The following ALOX5 variants were observed in gnomAD, a reference collection of about 807,000 sequenced individuals.
ALOX5 encodes polyunsaturated fatty acid 5-lipoxygenase.
A neutral mutation model predicts 87.9 loss-of-function variants in ALOX5; 64 were observed. The ratio of observed to expected loss-of-function variants is 0.73; its 90% CI spans 0.60 to 0.90. The LOEUF is 0.90. Ranked by LOEUF, ALOX5 falls within the 40% of genes least tolerant of loss-of-function variation. ALOX5 has a pLI of 0.00. For synonymous variants in ALOX5, 388 were observed against 355.1 expected (o/e 1.09, Z -1.04); for missense variants, 822 against 907.5 (o/e 0.91, Z 1.21).
intron 13 of ALOX5, chr10:45,444,746 C>T (rs1029482491): frequency 6.1e-6 from 1 of 162,772 alleles, no homozygotes; most frequent in Non-Finnish European, 1.3e-5. Context: ...CCAACCTGCT[C>T]CAGACTGCTG....
intron 13 of ALOX5, 31 bp from the exon 14 acceptor site, chr10:45,445,477 C>T (rs756745122): frequency 6.2e-7 from 1 of 1,605,210 alleles, no homozygotes; most frequent in Non-Finnish European, 8.5e-7. Flanking sequence ...AGTGGATTGA[C>T]CTATGTGTGT....
chr10:45,431,231 A>G (rs1841892736), intron 7 of ALOX5, among the ~76,000 whole-genome samples: 2 of 152,150 alleles, frequency 1.3e-5, no homozygotes, highest in Admixed American at 1.3e-4. Flanking sequence ...AAAAGGTGCA[A>G]CTCTAATGCC....
At chr10:45,428,285 C>T (rs1186717587) in intron 6 of ALOX5, 13 of 363,950 alleles carry the variant, frequency 3.6e-5, no homozygotes, top group East Asian at 3.0e-4. Context: ...GCATTTAACT[C>T]GTCACATCTA....
At chr10:45,387,959 A>C (rs547399257) in intron 2 of ALOX5, among the ~76,000 whole-genome samples, 25 of 152,302 alleles carry the variant, frequency 1.6e-4, no homozygotes, top group African/African-American at 5.3e-4. Context: ...TGGGGGCAGA[A>C]CAGTGGGGGC....
intron 1 of ALOX5, among the ~76,000 whole-genome samples, chr10:45,378,256 GC>G (rs1564407675): frequency 6.6e-6 from 1 of 152,112 alleles, no homozygotes. Context: ...ACAAACCAGG[GC>G]TCAAAGCTGG....
chr10:45,437,477 C>CT (rs35918637), intron 7 of ALOX5, among the ~76,000 whole-genome samples: 2 of 151,976 alleles, frequency 1.3e-5, no homozygotes, highest in African/African-American at 2.4e-5. Flanking sequence ...TAAAGACTAA[C>CT]TTTTTTTAAG....
At position 45,425,927 on chromosome 10, in the gene ALOX5, A is replaced by G. The variant is rs1017298901; in HGVS notation, c.834+795A>G. On this transcript the variant is annotated intron_variant, in intron 6 of 13. Coordinates refer to ENST00000374391, the MANE Select transcript of ALOX5 (RefSeq NM_000698.5). The surrounding 1 kb of genome is among the most constrained non-coding windows in gnomAD (Gnocchi z 4.4). ...TGGTGCCCTTTAGAGATAAACCTAC[A>G]GCCCCAGTACCTGGCCCACCTGAAT... Among the ~76,000 whole-genome samples the G allele has an allele frequency of 1.3e-5, 2 of 152,160 alleles. No homozygotes were observed. Among genetic ancestry groups the G allele is most frequent in the African/African-American group, 2.4e-5 (1 of 41,428 alleles).
chr10:45,424,968 A>G lies in ALOX5; in HGVS notation c.670A>G (p.Met224Val), dbSNP rs767328383. Residue 224 changes from methionine to valine, a missense_variant, in exon 6 of 14, where the codon ATG becomes GTG. Met to Val is a conservative substitution (Grantham distance 21). Transcript: ENST00000374391. ...CGCTTTTCTCCTGGTAGAGCGGGTC[A>G]TGAATCACTGGCAGGAAGACCTGAT... ...KISNTISERV[M>V]NHWQEDLMFG... 5 of 1,614,218 alleles carry G rather than the reference A, an allele frequency of 3.1e-6. No homozygotes were observed. The highest frequency in any genetic ancestry group is 1.1e-5 in the South Asian group (1 of 91,088).
chr10:45,430,853 TTA>T (rs1841882156), intron 7 of ALOX5, among the ~76,000 whole-genome samples: 1 of 152,180 alleles, frequency 6.6e-6, no homozygotes, highest in Non-Finnish European at 1.5e-5. Flanking sequence ...CCAGGGCTCT[TTA>T]TCAGCCCCAA....
At chr10:45,424,315 C>A (rs749705785) in intron 5 of ALOX5, among the ~76,000 whole-genome samples, 168 bp downstream of exon 5, 6 of 152,178 alleles carry the variant, frequency 3.9e-5, no homozygotes, top group Non-Finnish European at 8.8e-5. Flanking sequence ...CACCTTTTAC[C>A]ATCACTGTGG....
At chr10:45,419,500 C>T (rs563859983) in intron 4 of ALOX5, among the ~76,000 whole-genome samples, 57 of 152,346 alleles carry the variant, frequency 3.7e-4, no homozygotes, top group Admixed American at 1.0e-3. Flanking sequence ...GCCACTCCCA[C>T]CGGCCCTCCC....
chr10:45,435,263 T>C (rs1842027358), intron 7 of ALOX5, among the ~76,000 whole-genome samples: 1 of 94,404 alleles, frequency 1.1e-5, no homozygotes, highest in Non-Finnish European at 2.3e-5. Flanking sequence ...GTCAGAACAG[T>C]TTTTTTTTTT....
In ALOX5 at chr10:45,445,729, C is replaced by T; in HGVS notation, c.*42C>T. The stretch of plus-strand genomic sequence containing the variant: ...ACTGTGGGAAGGCCAGCTGCCCCAG[C>T]CAGATGGACTCCAGCCTGCCTGGCA... On this transcript the variant is annotated 3_prime_UTR_variant, in exon 14 of 14. Transcript: ENST00000374391. 6.3e-7 allele frequency: 1 copy of T among 1,584,394 alleles called. No homozygotes were observed. Among genetic ancestry groups the T allele is most frequent in the Non-Finnish European group, 8.6e-7 (1 of 1,158,292 alleles).
chr10:45,429,530 C>T (rs1841844406), intron 7 of ALOX5, among the ~76,000 whole-genome samples: 1 of 152,168 alleles, frequency 6.6e-6, no homozygotes, highest in Admixed American at 6.5e-5. Context: ...CCCTTACCCT[C>T]GATTCTAAAT....
chr10:45,426,967 T>A (rs569427661), intron 6 of ALOX5, among the ~76,000 whole-genome samples: 9 of 152,310 alleles, frequency 5.9e-5, no homozygotes, highest in Non-Finnish European at 1.3e-4. Context: ...CGGGCCTCAC[T>A]GATTCTGTGA....
At chr10:45,429,606 CCTT>C (rs1211878668) in intron 7 of ALOX5, among the ~76,000 whole-genome samples, 5 of 152,176 alleles carry the variant, frequency 3.3e-5, no homozygotes, top group East Asian at 1.9e-4. Flanking sequence ...TGTAAACAAA[CCTT>C]CTTTGAAGCA....
Position 45,382,687 on chromosome 10 carries a change from C to G in ALOX5, c.349+6C>G. The G allele has an allele frequency of 6.2e-7, 1 of 1,609,832 alleles. No individual in the cohort carries two copies. Among genetic ancestry groups the G allele is most frequent in the Non-Finnish European group, 8.5e-7 (1 of 1,178,024 alleles). On this transcript the variant is annotated splice_donor_region_variant and intron_variant, in intron 2 of 13. Transcript: ENST00000374391. ...TGTCCTGAGGGATGGACGCGGTGAGCAGCTCAGGCCCCTTCTGCCCCGGGC... is the reference window on the plus strand; with the variant it reads ...TGTCCTGAGGGATGGACGCGGTGAGGAGCTCAGGCCCCTTCTGCCCCGGGC...
chr10:45,441,615 C>G (rs1842238163), intron 9 of ALOX5, 185 bp downstream of exon 9: 1 of 550,650 alleles, frequency 1.8e-6, no homozygotes, highest in African/African-American at 1.9e-5. Context: ...GAGCACTCCT[C>G]CAGGCGCACC....
Position 45,443,631 on chromosome 10 carries a change from C to T in ALOX5, c.1573+94C>T, listed in dbSNP as rs115074210. On this transcript the variant is annotated intron_variant, in intron 11 of 13. Transcript: ENST00000374391. ...CTCCGGGGTGTCCTGCCCAGGGTGC[C>T]CTCCGGCCTTGGGGCAGGGAATCCG... 2.2e-3 allele frequency: 3,498 copies of T among 1,594,992 alleles called. 64 individuals are homozygous for T. In the African/African-American group the frequency reaches 0.041, roughly 19 times the overall value.
Sources: allele counts gnomAD v4.1 joint callset (sites outside exome capture counted in the v4.1 genomes callset), GRCh38; gene constraint gnomAD v4.1.1; non-coding constraint Gnocchi (gnomAD v3.1); transcripts MANE v1.5; gene names NCBI Gene and HGNC (gene_info 2026-07-23, HGNC 2026-07-21).